Variants in OR52N2 observed in about 807,000 individuals in gnomAD.
OR52N2 encodes olfactory receptor family 52 subfamily N member 2.
For synonymous variants in OR52N2, 129 were observed against 72.0 expected, an observed-to-expected ratio of 1.79 and a Z score of -4.01; for missense variants, 326 against 196.6, an observed-to-expected ratio of 1.66 and a Z score of -3.94.
Position 5,821,085 on chromosome 11 carries a change from T to C in OR52N2, c.750T>C (p.Ile250=). The C allele has an allele frequency of 1.3e-6, 1 of 781,070 alleles. No homozygotes were observed. The highest frequency in any genetic ancestry group is 2.4e-6 in the Non-Finnish European group (1 of 418,128). 48.4% of individuals were successfully genotyped at this position (781,070 alleles called of 1,614,324 possible). The change falls in exon 2 of 2, where the codon ATT becomes ATC. Residue 250 remains isoleucine (I), a synonymous_variant. Coordinates refer to ENST00000317037, the MANE Select transcript of OR52N2 (RefSeq NM_001005174.3). ...FSTCTSHMCS[I]VITYVAAFFT... ...CCTGCACATCTCACATGTGTTCCAT[T>C]GTGATCACCTATGTTGCTGCTTTTT...
At position 5,820,511 on chromosome 11, in the gene OR52N2, G is replaced by A. The variant is rs754168631; in HGVS notation, c.176G>A (p.Arg59Gln). The A allele has an allele frequency of 2.2e-5, 17 of 778,278 alleles. No individual in the cohort carries two copies. Among genetic ancestry groups the A allele is most frequent in the Non-Finnish European group, 2.9e-5 (12 of 416,706 alleles). 48.2% of individuals were successfully genotyped at this position (778,278 alleles called of 1,614,324 possible). ...CLISHEEALHRPMYYFLALLS... is the reference protein window; with the variant it reads ...CLISHEEALHQPMYYFLALLS... ...ATCAGCCATGAGGAGGCCCTGCACC[G>A]GCCCATGTACTACTTCCTGGCCCTG... Residue 59 changes from arginine to glutamine, a missense_variant, in exon 2 of 2, where the codon CGG (arginine) becomes CAG (glutamine). Coordinates refer to ENST00000317037, the MANE Select transcript of OR52N2 (RefSeq NM_001005174.3).
At chr11:5,810,235 T>C (rs1846347197) in intron 1 of OR52N2, among the ~76,000 whole-genome samples, 1 of 152,208 alleles carries the variant, frequency 6.6e-6, no homozygotes, top group Admixed American at 6.5e-5. Context: ...TGCTAGGGAC[T>C]GGATGAGCAA....
chr11:5,820,511 G>T lies in OR52N2; in HGVS notation c.176G>T (p.Arg59Leu), dbSNP rs754168631. ...CLISHEEALHRPMYYFLALLS... is the reference protein window; with the variant it reads ...CLISHEEALHLPMYYFLALLS... ...ATCAGCCATGAGGAGGCCCTGCACC[G>T]GCCCATGTACTACTTCCTGGCCCTG... Residue 59 changes from arginine (R) to leucine (L), a missense_variant, in exon 2 of 2, where the codon CGG (arginine) becomes CTG (leucine). Physicochemically the swap from Arg to Leu is moderately radical, Grantham distance 102. Transcript: ENST00000317037. 1 of 778,396 alleles carries T rather than the reference G, an allele frequency of 1.3e-6. No individual in the cohort carries two copies. The highest frequency in any genetic ancestry group is 2.4e-6 in the Non-Finnish European group (1 of 416,698). The allele number at this position is 778,396 out of a possible 1,614,324, so 48.2% of individuals were successfully genotyped here.
At chr11:5,814,334 G>C (rs1489441222) in intron 1 of OR52N2, among the ~76,000 whole-genome samples, 2 of 130,076 alleles carry the variant, frequency 1.5e-5, no homozygotes, top group African/African-American at 5.7e-5. Context: ...GCAAAAATCA[G>C]TTGCCTTTTT....
intron 1 of OR52N2, among the ~76,000 whole-genome samples, chr11:5,812,115 T>C (rs1590365046): frequency 6.6e-6 from 1 of 151,958 alleles, no homozygotes; most frequent in African/African-American, 2.4e-5. Flanking sequence ...GATGGGTCAA[T>C]AGGTACAGCA....
intron 1 of OR52N2, among the ~76,000 whole-genome samples, chr11:5,817,518 C>T (rs1390539965): frequency 6.6e-6 from 1 of 151,978 alleles, no homozygotes; most frequent in South Asian, 2.1e-4. Context: ...TGACCAAGAA[C>T]GCTTGAAAAA....
Position 5,820,629 on chromosome 11 carries a change from C to T in OR52N2, c.294C>T (p.Ala98=), listed in dbSNP as rs1241284974. Residue 98 remains alanine, a synonymous_variant, in exon 2 of 2, where the codon GCC becomes GCT. Transcript: ENST00000317037. ...ACCTCAAGGAGATTGACTTTAACGC[C>T]TGCCTGGCCCAGATGTTTTTTGTCC... ...WFNLKEIDFN[A]CLAQMFFVHM... 2 of 784,502 alleles carry T rather than the reference C, an allele frequency of 2.5e-6. No homozygotes were observed. The highest frequency in any genetic ancestry group is 4.7e-6 in the Non-Finnish European group (2 of 421,458). The allele number at this position is 784,502 out of a possible 1,614,324, so 48.6% of individuals were successfully genotyped here. A position where few individuals can be genotyped will look rare whatever the true frequency, so the allele number is the denominator to read the frequency against.
In OR52N2 at chr11:5,820,585, C is replaced by T. The variant is rs1590368713; in HGVS notation, c.250C>T (p.Leu84=). The T allele has an allele frequency of 5.1e-6, 4 of 781,542 alleles. No homozygotes were observed. The East Asian group carries it at 7.3e-5, about 14-fold the overall frequency. 48.4% of individuals were successfully genotyped at this position (781,542 alleles called of 1,614,324 possible). ...GTGCACCACCATGGTACCTAATATG[C>T]TGTGCATATTCTGGTTCAACCTCAA... ...TLCTTMVPNM[L]CIFWFNLKEI... Residue 84 remains leucine (L), a synonymous_variant, in exon 2 of 2, where the codon CTG becomes TTG. Coordinates refer to ENST00000317037, the MANE Select transcript of OR52N2 (RefSeq NM_001005174.3).
At position 5,814,294 on chromosome 11, in the gene OR52N2, G is replaced by T. The variant is rs116006800; in HGVS notation, c.-55+5240G>T. Among the ~76,000 whole-genome samples, 900 of 152,130 alleles carry T rather than the reference G, an allele frequency of 5.9e-3. 8 individuals carry two copies. The highest frequency in any genetic ancestry group is 0.021 in the African/African-American group (869 of 41,510). The stretch of plus-strand genomic sequence containing the variant: ...CACAAAACTTGTTAAAATAATAAAT[G>T]AGCAAGGTAACAAGATACGAAGTCA... On this transcript the variant is annotated intron_variant, in intron 1 of 1. Transcript: ENST00000317037.
At chr11:5,810,067 A>G (rs1846344701) in intron 1 of OR52N2, among the ~76,000 whole-genome samples, 1 of 152,242 alleles carries the variant, frequency 6.6e-6, no homozygotes, top group Non-Finnish European at 1.5e-5. Flanking sequence ...TCTGAGTGGG[A>G]GAAGCATCAG....
At chr11:5,820,249 T>C in intron 1 of OR52N2, 33 bp from the exon 2 acceptor site, 1 of 714,346 alleles carries the variant, frequency 1.4e-6, no homozygotes, top group East Asian at 2.4e-5. Context: ...GTACCTCTTA[T>C]CTCGTCTCTA....
chr11:5,820,949 C>A lies in OR52N2; in HGVS notation c.614C>A (p.Ala205Asp), dbSNP rs776302991. ...AATGCTATTTATGGTCTGATGGTTG[C>A]TCTCCTGATTGGTGTGTTTGATATC... is the stretch of plus-strand genomic sequence containing the variant. The part of the protein sequence containing the change: ...KVNAIYGLMV[A>D]LLIGVFDICC... The change falls in exon 2 of 2, where the codon GCT (alanine) becomes GAT (aspartate). Residue 205 changes from alanine to aspartate, a missense_variant. Physicochemically the swap from Ala to Asp is moderately radical, Grantham distance 126. Transcript: ENST00000317037. 1 of 781,042 alleles carries A rather than the reference C, an allele frequency of 1.3e-6. No individual in the cohort carries two copies. Among genetic ancestry groups the A allele is most frequent in the East Asian group, 2.4e-5 (1 of 41,232 alleles). The allele number at this position is 781,042 out of a possible 1,614,324, so 48.4% of individuals were successfully genotyped here.
intron 1 of OR52N2, among the ~76,000 whole-genome samples, chr11:5,819,148 T>C (rs1480355253): frequency 6.6e-6 from 1 of 152,178 alleles, no homozygotes; most frequent in African/African-American, 2.4e-5. Context: ...TGAGGAATGT[T>C]TGGCATTGGC....
At chr11:5,819,838 C>G (rs1993225) in intron 1 of OR52N2, among the ~76,000 whole-genome samples, 16 of 152,046 alleles carry the variant, frequency 1.1e-4, no homozygotes, top group African/African-American at 3.6e-4. Flanking sequence ...TTGTTAAAAA[C>G]GGAAAGTTAA....
At chr11:5,817,656 C>T (rs1846414365) in intron 1 of OR52N2, among the ~76,000 whole-genome samples, 1 of 152,092 alleles carries the variant, frequency 6.6e-6, no homozygotes, top group Non-Finnish European at 1.5e-5. Context: ...GGTTCAGTCG[C>T]TTTGCATGGA....
intron 1 of OR52N2, among the ~76,000 whole-genome samples, chr11:5,819,076 G>A (rs1056490914): frequency 9.9e-5 from 15 of 152,246 alleles, no homozygotes; most frequent in African/African-American, 3.6e-4. Context: ...AAGCCTTGTG[G>A]ATTCACAACC....
chr11:5,816,589 GA>G (rs1439332517), intron 1 of OR52N2, among the ~76,000 whole-genome samples: 2 of 150,500 alleles, frequency 1.3e-5, no homozygotes, highest in Admixed American at 1.3e-4. Flanking sequence ...ACCCAGGCTG[GA>G]GTGCAGTAGA....
intron 1 of OR52N2, among the ~76,000 whole-genome samples, chr11:5,818,291 A>G (rs184574641): frequency 1.0e-3 from 159 of 152,310 alleles, no homozygotes; most frequent in African/African-American, 3.4e-3. Flanking sequence ...CCACTTGGGA[A>G]AAGGCATTAA....
chr11:5,814,991 A>G (rs1218745743), intron 1 of OR52N2, among the ~76,000 whole-genome samples: 1 of 152,214 alleles, frequency 6.6e-6, no homozygotes, highest in Non-Finnish European at 1.5e-5. Flanking sequence ...TTTACAATAA[A>G]TAGTGCTGAG....
Sources: allele counts gnomAD v4.1 joint callset (sites outside exome capture counted in the v4.1 genomes callset), GRCh38; gene constraint gnomAD v4.1.1; transcripts MANE v1.5; gene names NCBI Gene and HGNC (gene_info 2026-07-23, HGNC 2026-07-21).